Variants in IGF1R observed in about 807,000 individuals in gnomAD.
IGF1R encodes insulin-like growth factor 1 receptor.
Under a neutral mutation model 144.6 loss-of-function variants are expected in IGF1R, and 44 were observed. The ratio of observed to expected loss-of-function variants is 0.30; its 90% CI spans 0.24 to 0.39. IGF1R has a LOEUF of 0.39. Ranked by LOEUF, IGF1R falls within the 10% of genes least tolerant of loss-of-function variation. The pLI is 1.00. For synonymous variants in IGF1R, 795 were observed against 722.8 expected (o/e 1.10, Z -1.60); for missense variants, 1,355 against 1,833.7 (o/e 0.74, Z 4.77).
At chr15:98,831,078 G>C (rs182766281) in intron 2 of IGF1R, among the ~76,000 whole-genome samples, 73 of 152,232 alleles carry the variant, frequency 4.8e-4, no homozygotes, top group African/African-American at 1.7e-3. Context: ...CCCTTCATAA[G>C]GGATCCACCC....
At chr15:98,701,850 C>G (rs1228014628) in intron 1 of IGF1R, among the ~76,000 whole-genome samples, 1 of 152,132 alleles carries the variant, frequency 6.6e-6, no homozygotes, top group Non-Finnish European at 1.5e-5. Context: ...TTAATAACAG[C>G]TGCTAAAAGG....
chr15:98,840,866 A>T (rs1474652064), intron 2 of IGF1R, among the ~76,000 whole-genome samples: 1 of 151,922 alleles, frequency 6.6e-6, no homozygotes, highest in Non-Finnish European at 1.5e-5. Context: ...TTTTTAGTAG[A>T]GACGGGGTTT....
At chr15:98,663,093 T>C (rs2052638643) in intron 1 of IGF1R, among the ~76,000 whole-genome samples, 1 of 152,098 alleles carries the variant, frequency 6.6e-6, no homozygotes, top group South Asian at 2.1e-4. Flanking sequence ...AGGGAAGTCT[T>C]GTCTCTAGAC....
intron 2 of IGF1R, among the ~76,000 whole-genome samples, chr15:98,736,260 A>G (rs1439444005): frequency 1.3e-5 from 2 of 152,214 alleles, no homozygotes; most frequent in African/African-American, 4.8e-5. Context: ...AAAAGCCAGA[A>G]TTTTTAATGC....
intron 17 of IGF1R, among the ~76,000 whole-genome samples, chr15:98,937,034 T>C (rs1815007): frequency 0.62 from 94,382 of 151,494 alleles, 29,461 homozygotes; most frequent in South Asian, 0.7. Context: ...TACAGGTGTG[T>C]ACCACCACGC....
At chr15:98,672,681 T>G (rs1468362500) in intron 1 of IGF1R, among the ~76,000 whole-genome samples, 1 of 152,102 alleles carries the variant, frequency 6.6e-6, no homozygotes, top group Admixed American at 6.5e-5. Flanking sequence ...AGTCATAAGA[T>G]TTTGAGAAAT....
At position 98,957,022 on chromosome 15, in the gene IGF1R, C is replaced by T. The variant is rs45492894; in HGVS notation, c.3723-39C>T. ...ATGAAGCCTCCTGGCCATGTGCGCC[C>T]TCCCGGTTTGGACCCCCTCCCGTGT... On this transcript the variant is annotated intron_variant, in intron 20 of 20. Coordinates refer to ENST00000650285, the MANE Select transcript of IGF1R (RefSeq NM_000875.5). 5 of 1,613,282 alleles carry T rather than the reference C, an allele frequency of 3.1e-6. No individual in the cohort carries two copies. The South Asian group carries it at 3.3e-5, about 11-fold the overall frequency.
intron 2 of IGF1R, among the ~76,000 whole-genome samples, chr15:98,783,543 G>A (rs2055908048): frequency 6.6e-6 from 1 of 152,142 alleles, no homozygotes; most frequent in Non-Finnish European, 1.5e-5. Context: ...CATTCCATGA[G>A]CATGGCATGT....
chr15:98,902,102 A>G (rs1298807566), intron 5 of IGF1R, among the ~76,000 whole-genome samples: 1 of 152,100 alleles, frequency 6.6e-6, no homozygotes, highest in Non-Finnish European at 1.5e-5. Context: ...ACTTTGCTAC[A>G]CATTATGGAA....
intron 2 of IGF1R, among the ~76,000 whole-genome samples, chr15:98,883,769 T>A (rs1312522874): frequency 1.3e-5 from 2 of 152,172 alleles, no homozygotes; most frequent in Non-Finnish European, 2.9e-5. Context: ...AGATACCCTT[T>A]CTGTCGAAAG....
At chr15:98,844,616 T>TTGTG (rs148102776) in intron 2 of IGF1R, among the ~76,000 whole-genome samples, 6,563 of 149,518 alleles carry the variant, frequency 0.044, 266 homozygotes, top group East Asian at 0.17. Context: ...TTAACTATAT[T>TTGTG]TGTGTGTGTG....
At chr15:98,952,093 T>C (rs1255960033) in intron 20 of IGF1R, among the ~76,000 whole-genome samples, 24 of 152,170 alleles carry the variant, frequency 1.6e-4, no homozygotes, top group Admixed American at 1.6e-3. Flanking sequence ...GTACATAGTT[T>C]GCCTGCTGTG....
Position 98,805,526 on chromosome 15 carries a change from CAGAGCACCTG to C in IGF1R, c.641-85791_641-85782del, listed in dbSNP as rs796170860. The stretch of plus-strand genomic sequence containing the variant: ...ATGGTGTGTGTGTGTGTGTGTGATT[CAGAGCACCTG>C]AGAGCACACTGCCCGTTGTCCCCTC... On this transcript the variant is annotated intron_variant, in intron 2 of 20. Coordinates refer to ENST00000650285, the MANE Select transcript of IGF1R (RefSeq NM_000875.5). Among the ~76,000 whole-genome samples the C allele has an allele frequency of 2.6e-5, 4 of 151,298 alleles. No individual in the cohort carries two copies. In the South Asian group the frequency reaches 6.2e-4, roughly 24 times the overall value.
intron 2 of IGF1R, among the ~76,000 whole-genome samples, chr15:98,757,935 C>T (rs1184424721): frequency 6.6e-6 from 1 of 152,122 alleles, no homozygotes; most frequent in Non-Finnish European, 1.5e-5. Flanking sequence ...TCAAAGCTAC[C>T]GGTGCCTAAC....
chr15:98,666,941 A>G (rs2052757214), intron 1 of IGF1R, among the ~76,000 whole-genome samples: 2 of 152,158 alleles, frequency 1.3e-5, no homozygotes, highest in Admixed American at 1.3e-4. Context: ...TTATTTCTCA[A>G]TTGTTTATGC....
intron 2 of IGF1R, among the ~76,000 whole-genome samples, chr15:98,780,790 T>C (rs572066515): frequency 6.6e-6 from 1 of 152,294 alleles, no homozygotes; most frequent in African/African-American, 2.4e-5. Context: ...TTTTTGGAAG[T>C]AATAAAACTG....
At position 98,852,362 on chromosome 15, in the gene IGF1R, C is replaced by T. The variant is rs532421661; in HGVS notation, c.641-38963C>T. 8.5e-5 allele frequency among the ~76,000 whole-genome samples: 13 copies of T among 152,314 alleles called. No individual in the cohort carries two copies. The South Asian group carries it at 2.7e-3, about 32-fold the overall frequency. On this transcript the variant is annotated intron_variant, in intron 2 of 20. Coordinates refer to ENST00000650285, the MANE Select transcript of IGF1R (RefSeq NM_000875.5). Reference sequence around the variant, plus strand: ...CGGGCACCCCGCGCCCGCGCCGCCGCCGTGGACCAAGGTTGTTTACTACTT... The same window carrying T: ...CGGGCACCCCGCGCCCGCGCCGCCGTCGTGGACCAAGGTTGTTTACTACTT...
chr15:98,809,702 A>G lies in IGF1R; in HGVS notation c.641-81623A>G, dbSNP rs1300843842. Among the ~76,000 whole-genome samples, 5 of 152,306 alleles carry G rather than the reference A, an allele frequency of 3.3e-5. No homozygotes were observed. In the East Asian group the frequency reaches 5.8e-4, roughly 18 times the overall value. On this transcript the variant is annotated intron_variant, in intron 2 of 20. Transcript: ENST00000650285. ...AAATGTTTGTTGGTTCTGTTTTCCA[A>G]CGTAAAGTGCTGCACAAGGACTGTG...
rs371839214 is a variant in IGF1R at position 98,964,416 on chromosome 15, AAAG to A, written c.*6977_*6979del. 2.9e-3 allele frequency: 661 copies of A among 229,572 alleles called. 2 individuals carry two copies. The highest frequency in any genetic ancestry group is 0.013 in the African/African-American group (583 of 45,274). The allele number at this position is 229,572 out of a possible 1,614,324, so 14.2% of individuals were successfully genotyped here. On this transcript the variant is annotated 3_prime_UTR_variant, in exon 21 of 21. Transcript: ENST00000650285. ...CTCTGGATTCTTTACATAATGGAAA[AAAG>A]AAACTGTCTATTTTGAATGGCTGAA...
Sources: allele counts gnomAD v4.1 joint callset (sites outside exome capture counted in the v4.1 genomes callset), GRCh38; gene constraint gnomAD v4.1.1; transcripts MANE v1.5; gene names NCBI Gene and HGNC (gene_info 2026-07-23, HGNC 2026-07-21).